Variants in ZFAT observed in about 807,000 individuals in gnomAD.
The protein encoded by ZFAT is zinc finger and AT-hook domain containing.
In ZFAT, 64 loss-of-function variants were observed where a neutral mutation model predicts 117.7. The observed-to-expected ratio is 0.54, with a 90% CI of 0.44 to 0.67. The LOEUF is 0.67. Ranked by LOEUF, ZFAT falls within the 30% of genes least tolerant of loss-of-function variation. The probability of loss-of-function intolerance (pLI) is 0.00; values close to 1 mark genes in which losing one functional copy is unlikely to be tolerated. For missense variants in ZFAT, 1,433 were observed against 1,584.5 expected (o/e 0.90, Z 1.62); for synonymous variants, 679 against 615.0 (o/e 1.10, Z -1.54).
the ZFAT span, among the ~76,000 whole-genome samples, chr8:134,727,714 T>G: frequency 6.6e-6 from 1 of 152,084 alleles, no homozygotes; most frequent in South Asian, 2.1e-4. Context: ...AAGGGCCAGA[T>G]AGTAAATATT....
chr8:134,584,143 A>G, intron 9 of ZFAT, 138 bp from the exon 10 acceptor site: 1 of 995,532 alleles, frequency 1.0e-6, no homozygotes, highest in Middle Eastern at 3.3e-4. Context: ...TGAACACAGC[A>G]GTATACTTGC....
chr8:134,587,473 C>T (rs985235875), intron 9 of ZFAT, among the ~76,000 whole-genome samples: 4 of 152,144 alleles, frequency 2.6e-5, no homozygotes, highest in African/African-American at 4.8e-5. Context: ...AATACTTCAT[C>T]CTTCATCCCC....
the ZFAT span, among the ~76,000 whole-genome samples, chr8:134,773,997 T>G: frequency 9.3e-5 from 13 of 139,928 alleles, no homozygotes; most frequent in Admixed American, 6.4e-4. Flanking sequence ...TTTTTTTTTT[T>G]TTTTTTTTTT....
chr8:134,818,896 C>A, the ZFAT span, among the ~76,000 whole-genome samples: 2 of 152,036 alleles, frequency 1.3e-5, no homozygotes, highest in African/African-American at 4.8e-5. Flanking sequence ...TAAAAGAAAA[C>A]AGATAATGGT....
the ZFAT span, among the ~76,000 whole-genome samples, chr8:134,742,035 C>G: frequency 6.6e-6 from 1 of 152,266 alleles, no homozygotes; most frequent in Admixed American, 6.5e-5. Flanking sequence ...TGGGAACAGC[C>G]CTAACCAAGC....
rs558458951 is a variant in ZFAT, at chr8:134,478,104, T to C, written c.*378A>G. On this transcript the variant is annotated 3_prime_UTR_variant, in exon 16 of 16. Transcript: ENST00000377838. The surrounding 1 kb of genome is among the most constrained non-coding windows in gnomAD (Gnocchi z 5.2). ...CGGTTGCAGATGAACATTTGGCACC[T>C]AGATGGGGGTCAAGGAGCTGGGGCT... The C allele has an allele frequency of 2.0e-5, 5 of 250,796 alleles. No homozygotes were observed. The highest frequency in any genetic ancestry group is 1.5e-4 in the South Asian group (2 of 13,288). 15.5% of individuals were successfully genotyped at this position (250,796 alleles called of 1,614,324 possible).
rs149199453 is a variant in ZFAT at position 134,706,363 on chromosome 8, A to G, written c.19+6482T>C. On this transcript the variant is annotated intron_variant, in intron 1 of 15. Transcript: ENST00000377838. ...ACACAAAAGAATTATATGATGTTCTATAGAAGAAGAAACTCATCTATGGTG... is the reference window on the plus strand; with the variant it reads ...ACACAAAAGAATTATATGATGTTCTGTAGAAGAAGAAACTCATCTATGGTG... 3.7e-4 allele frequency among the ~76,000 whole-genome samples: 56 copies of G among 152,346 alleles called. No homozygotes were observed. In the East Asian group the frequency reaches 8.5e-3, roughly 23 times the overall value.
chr8:134,603,023 C>G, intron 5 of ZFAT, 90 bp from the exon 6 acceptor site: 1 of 1,518,340 alleles, frequency 6.6e-7, no homozygotes, highest in Non-Finnish European at 8.8e-7. Context: ...ACACTAAAGG[C>G]TGAAAAGTGA....
intron 10 of ZFAT, among the ~76,000 whole-genome samples, chr8:134,566,481 G>T (rs1397166165): frequency 6.6e-6 from 1 of 151,018 alleles, no homozygotes; most frequent in African/African-American, 2.4e-5. Context: ...GATATATGAG[G>T]TACCCTACAT....
At chr8:134,637,365 C>G in intron 3 of ZFAT, 96 bp downstream of exon 3, 1 of 1,455,510 alleles carries the variant, frequency 6.9e-7, no homozygotes, top group Non-Finnish European at 9.4e-7. Flanking sequence ...TAAATATGTG[C>G]TATTTCCAAG....
chr8:134,663,955 A>G (rs767318986), intron 1 of ZFAT, among the ~76,000 whole-genome samples: 5 of 152,192 alleles, frequency 3.3e-5, no homozygotes, highest in African/African-American at 7.2e-5. Flanking sequence ...GAGGAAGCTG[A>G]GTCGCACGCT....
chr8:134,626,959 A>T (rs1404685293), intron 3 of ZFAT, among the ~76,000 whole-genome samples: 1 of 152,252 alleles, frequency 6.6e-6, no homozygotes, highest in Non-Finnish European at 1.5e-5. Context: ...AGAATGAGAC[A>T]GAATTCATTA....
At chr8:134,798,654 C>T in the ZFAT span, among the ~76,000 whole-genome samples, 12 of 151,964 alleles carry the variant, frequency 7.9e-5, no homozygotes, top group Non-Finnish European at 1.5e-4. Context: ...TCTGATAGCC[C>T]ACATGATCAA....
intron 2 of ZFAT, among the ~76,000 whole-genome samples, chr8:134,639,373 C>T (rs4909338): frequency 0.58 from 87,525 of 152,104 alleles, 25,620 homozygotes; most frequent in East Asian, 0.82. Context: ...GTGGGTCAGC[C>T]TTGGCTGAAA....
intron 3 of ZFAT, among the ~76,000 whole-genome samples, chr8:134,616,325 T>C (rs1265509034): frequency 6.6e-6 from 1 of 152,164 alleles, no homozygotes. Context: ...TGTTAGTAAT[T>C]TTCTGCCCAC....
At chr8:134,667,555 A>ATATATAGC (rs71274893) in intron 1 of ZFAT, among the ~76,000 whole-genome samples, 1 of 146,952 alleles carries the variant, frequency 6.8e-6, no homozygotes, top group Admixed American at 6.9e-5. Context: ...ACCAGGGCAC[A>ATATATAGC]TATGTAACAA....
intron 1 of ZFAT, among the ~76,000 whole-genome samples, chr8:134,711,618 T>G (rs1814001732): frequency 6.6e-6 from 1 of 151,930 alleles, no homozygotes; most frequent in African/African-American, 2.4e-5. Context: ...CGGGACTCTG[T>G]CCCAAAAAAT....
At chr8:134,594,437 C>T (rs1027186068) in intron 7 of ZFAT, among the ~76,000 whole-genome samples, 3 of 152,192 alleles carry the variant, frequency 2.0e-5, no homozygotes, top group African/African-American at 2.4e-5. Flanking sequence ...TAGCTTATCT[C>T]CAGAAAGTAC....
intron 12 of ZFAT, 52 bp downstream of exon 12, chr8:134,532,782 C>T: frequency 5.0e-6 from 8 of 1,593,442 alleles, no homozygotes; most frequent in Middle Eastern, 1.8e-4. Context: ...CAATGGGGGA[C>T]TTGGCCTAAA....
Sources: gnomAD v4.1 joint callset for allele counts (sites outside exome capture counted in the v4.1 genomes callset) on GRCh38, gnomAD v4.1.1 for gene constraint, Gnocchi (gnomAD v3.1) non-coding constraint, MANE v1.5 for transcripts, NCBI Gene and HGNC (gene_info 2026-07-23, HGNC 2026-07-21) for gene names.